Variants in FRMD3 observed in about 807,000 individuals in gnomAD.
FRMD3 encodes FERM domain containing 3.
In FRMD3, 33 loss-of-function variants were observed where a neutral mutation model predicts 70.2. That is an observed-to-expected ratio of 0.47 (90% CI 0.36 to 0.63). FRMD3 has a LOEUF of 0.63. Ranked by LOEUF, FRMD3 falls within the 20% of genes least tolerant of loss-of-function variation. The pLI is 0.00. For missense variants in FRMD3, 632 were observed against 711.4 expected (o/e 0.89, Z 1.27); for synonymous variants, 279 against 255.9 (o/e 1.09, Z -0.86).
At chr9:83,313,891 A>G (rs1431253390) in intron 6 of FRMD3, 144 bp from the exon 7 acceptor site, 2 of 620,882 alleles carry the variant, frequency 3.2e-6, no homozygotes, top group African/African-American at 3.7e-5. Context: ...ACTGATCATT[A>G]TTTCTCACCA....
intron 1 of FRMD3, among the ~76,000 whole-genome samples, chr9:83,417,607 G>A (rs1304162748): frequency 6.6e-6 from 1 of 152,230 alleles, no homozygotes; most frequent in Non-Finnish European, 1.5e-5. Flanking sequence ...AAGAGGAGGT[G>A]TCTAGCAGAC....
rs1303957651 is a variant in FRMD3, at chr9:83,247,299, T to C, written c.*619A>G. Reference sequence around the variant, plus strand: ...GCCAAAAATATTTTTAAAAACAAAGTAGCGCCAAAACATTAAAAAAATTCT... The same window carrying C: ...GCCAAAAATATTTTTAAAAACAAAGCAGCGCCAAAACATTAAAAAAATTCT... On this transcript the variant is annotated 3_prime_UTR_variant, in exon 14 of 14. Coordinates refer to ENST00000304195, the MANE Select transcript of FRMD3 (RefSeq NM_174938.6). 2.0e-6 allele frequency: 2 copies of C among 984,634 alleles called. No individual in the cohort carries two copies. Among genetic ancestry groups the C allele is most frequent in the Non-Finnish European group, 2.4e-6 (2 of 829,608 alleles). The allele number at this position is 984,634 out of a possible 1,614,324, so 61.0% of individuals were successfully genotyped here. A position where few individuals can be genotyped will look rare whatever the true frequency, so the allele number is the denominator to read the frequency against.
chr9:83,277,484 C>A (rs1248791959), intron 13 of FRMD3, among the ~76,000 whole-genome samples: 3 of 152,176 alleles, frequency 2.0e-5, no homozygotes, highest in Admixed American at 2.0e-4. Context: ...TCCACCTCAG[C>A]CTCTTGAGTA....
intron 13 of FRMD3, among the ~76,000 whole-genome samples, chr9:83,275,184 C>T (rs892931699): frequency 1.4e-4 from 22 of 152,330 alleles, no homozygotes; most frequent in African/African-American, 4.3e-4. Flanking sequence ...ACCGAGCCGT[C>T]GGCATGGAGG....
intron 1 of FRMD3, among the ~76,000 whole-genome samples, chr9:83,481,683 T>G (rs1828569905): frequency 6.6e-6 from 1 of 152,182 alleles, no homozygotes; most frequent in African/African-American, 2.4e-5. Context: ...GTATTCAATT[T>G]AAGAATAATT....
chr9:83,264,884 T>TA (rs541835948), intron 13 of FRMD3, among the ~76,000 whole-genome samples: 7 of 146,360 alleles, frequency 4.8e-5, no homozygotes, highest in South Asian at 2.1e-4. Flanking sequence ...AGGGTTAAAC[T>TA]AAAAAAAAAA....
At chr9:83,286,739 T>A (rs1834231069) in intron 13 of FRMD3, among the ~76,000 whole-genome samples, 1 of 152,170 alleles carries the variant, frequency 6.6e-6, no homozygotes, top group African/African-American at 2.4e-5. Context: ...TGAACCAGTA[T>A]ATCCAGATGG....
At chr9:83,423,124 G>A (rs930953661) in intron 1 of FRMD3, among the ~76,000 whole-genome samples, 62 of 152,344 alleles carry the variant, frequency 4.1e-4, no homozygotes, top group African/African-American at 1.4e-3. Context: ...TATAGATGGA[G>A]CAAGGTAGAG....
chr9:83,467,672 T>C, intron 1 of FRMD3: 1 of 1,535,368 alleles, frequency 6.5e-7, no homozygotes, highest in South Asian at 1.2e-5. Flanking sequence ...AAAAAGGATT[T>C]GCAGTGCCGT....
chr9:83,303,331 A>C (rs1238813823), intron 10 of FRMD3, among the ~76,000 whole-genome samples: 3 of 152,212 alleles, frequency 2.0e-5, no homozygotes, highest in African/African-American at 7.2e-5. Flanking sequence ...AGAGAGGTTT[A>C]ATCACTTTAC....
chr9:83,325,571 C>A (rs570861155), intron 6 of FRMD3, among the ~76,000 whole-genome samples: 2 of 152,264 alleles, frequency 1.3e-5, no homozygotes, highest in East Asian at 1.9e-4. Context: ...GTGATCCTCC[C>A]ACCTCAGCCT....
At chr9:83,329,662 T>A (rs1224375913) in intron 6 of FRMD3, among the ~76,000 whole-genome samples, 3 of 152,212 alleles carry the variant, frequency 2.0e-5, no homozygotes, top group Admixed American at 6.5e-5. Context: ...TGTGTCATTC[T>A]TGCTTCTAGC....
At chr9:83,281,810 C>T (rs1194267055) in intron 13 of FRMD3, among the ~76,000 whole-genome samples, 6 of 152,200 alleles carry the variant, frequency 3.9e-5, no homozygotes, top group African/African-American at 1.4e-4. Flanking sequence ...AGCCTTCTCA[C>T]CACTCCTTCT....
the FRMD3 span, among the ~76,000 whole-genome samples, chr9:83,550,101 T>C: frequency 1.3e-5 from 2 of 152,204 alleles, no homozygotes; most frequent in African/African-American, 4.8e-5. Flanking sequence ...TTTAAGTCTT[T>C]ATTTTATCTT....
intron 5 of FRMD3, among the ~76,000 whole-genome samples, chr9:83,340,716 G>A (rs138691330): frequency 8.7e-4 from 132 of 152,296 alleles, no homozygotes; most frequent in East Asian, 4.4e-3. Flanking sequence ...AAATATGCTC[G>A]TTGGATTCAG....
intron 10 of FRMD3, among the ~76,000 whole-genome samples, chr9:83,304,564 C>T (rs759571382): frequency 2.0e-5 from 3 of 152,156 alleles, no homozygotes; most frequent in Non-Finnish European, 4.4e-5. Flanking sequence ...GTTCCTTTGA[C>T]AAAATGTACA....
At chr9:83,428,596 T>C (rs74915883) in intron 1 of FRMD3, among the ~76,000 whole-genome samples, 3,022 of 152,142 alleles carry the variant, frequency 0.02, 41 homozygotes, top group Non-Finnish European at 0.032. Context: ...CATTTAGTAA[T>C]TATAATAATT....
the FRMD3 span, among the ~76,000 whole-genome samples, chr9:83,552,702 T>C: frequency 2.6e-5 from 4 of 152,228 alleles, no homozygotes; most frequent in Non-Finnish European, 5.9e-5. Flanking sequence ...GTCTTCTTGT[T>C]GTATTGAACC....
intron 13 of FRMD3, among the ~76,000 whole-genome samples, chr9:83,250,358 G>A (rs1832344550): frequency 1.3e-5 from 2 of 151,956 alleles, no homozygotes; most frequent in African/African-American, 4.8e-5. Context: ...AGAGCTGTGT[G>A]GAGTCTCGGC....
Sources: allele counts gnomAD v4.1 joint callset (sites outside exome capture counted in the v4.1 genomes callset), GRCh38; gene constraint gnomAD v4.1.1; transcripts MANE v1.5; gene names NCBI Gene and HGNC (gene_info 2026-07-23, HGNC 2026-07-21).